PITPNC1: variants seen among roughly 807,000 people sequenced by gnomAD.
PITPNC1 encodes cytoplasmic phosphatidylinositol transfer protein 1.
In PITPNC1, 18 loss-of-function variants were observed where a neutral mutation model predicts 44.7. That is an observed-to-expected ratio of 0.40 (90% CI 0.28 to 0.60). The LOEUF is 0.60. Among genes scored for constraint, PITPNC1 ranks in the 20% least tolerant of loss-of-function variants. The probability of loss-of-function intolerance (pLI) is 0.39; values close to 1 mark genes in which losing one functional copy is unlikely to be tolerated. For synonymous variants in PITPNC1, 141 were observed against 149.6 expected (o/e 0.94, Z 0.42); for missense variants, 290 against 418.4 (o/e 0.69, Z 2.68).
intron 1 of PITPNC1, among the ~76,000 whole-genome samples, chr17:67,426,724 TTAAAA>T (rs72090798): frequency 0.44 from 66,875 of 151,488 alleles, 15,248 homozygotes; most frequent in Middle Eastern, 0.64. Flanking sequence ...ATCCCAGAAC[TTAAAA>T]TAAAAATAAA....
At chr17:67,403,218 C>CAAAAAAAAAAAAAAAAAAAAA (rs34768084) in intron 1 of PITPNC1, among the ~76,000 whole-genome samples, 6 of 68,958 alleles carry the variant, frequency 8.7e-5, no homozygotes, top group African/African-American at 2.6e-4. Context: ...CTCATCTCTA[C>CAAAAAAAAAAAAAAAAAAAAA]AAAAAAAAAA....
At chr17:67,378,225 C>A in intron 1 of PITPNC1, 23 bp downstream of exon 1, 1 of 1,477,562 alleles carries the variant, frequency 6.8e-7, no homozygotes, top group Non-Finnish European at 9.0e-7. Context: ...CCCGGCCCGG[C>A]CTCGCCCGCT....
intron 5 of PITPNC1, among the ~76,000 whole-genome samples, chr17:67,583,738 A>G (rs1209122359): frequency 5.8e-5 from 8 of 138,506 alleles, no homozygotes; most frequent in Non-Finnish European, 1.1e-4. Flanking sequence ...TCTGTCACCC[A>G]GGCTGGAGTG....
chr17:67,476,188 CTTT>C lies in PITPNC1; in HGVS notation c.49-56601_49-56599del, dbSNP rs10633927. Among the ~76,000 whole-genome samples, 70 of 137,674 alleles carry C rather than the reference CTTT, an allele frequency of 5.1e-4. No individual in the cohort carries two copies. In the Middle Eastern group the frequency reaches 0.012, roughly 23 times the overall value. 90.3% of individuals were successfully genotyped at this position (137,674 alleles called of 152,430 possible). On this transcript the variant is annotated intron_variant, in intron 1 of 8. Coordinates refer to ENST00000581322, the MANE Select transcript of PITPNC1 (RefSeq NM_012417.4). ...CCTAGAGACTAAATTTCTTTCTTTT[CTTT>C]TTTTTTTTTTTTGAGATGGAGTCTC...
At chr17:67,632,491 A>G in intron 6 of PITPNC1, 1 of 541,268 alleles carries the variant, frequency 1.8e-6, no homozygotes. Context: ...ATTTTTGGCA[A>G]CGTCAGTATC....
At chr17:67,486,052 C>T (rs80313983) in intron 1 of PITPNC1, among the ~76,000 whole-genome samples, 1 of 152,150 alleles carries the variant, frequency 6.6e-6, no homozygotes, top group Admixed American at 6.5e-5. Flanking sequence ...TCAAAAGTCA[C>T]AATTGATTAA....
At chr17:67,513,487 GTGTA>G (rs915263829) in intron 1 of PITPNC1, among the ~76,000 whole-genome samples, 32 of 136,912 alleles carry the variant, frequency 2.3e-4, no homozygotes, top group African/African-American at 9.1e-4. Context: ...ATGTGTGTGT[GTGTA>G]TATATATATA....
At chr17:67,659,752 T>G (rs554861740) in intron 6 of PITPNC1, among the ~76,000 whole-genome samples, 1 of 152,302 alleles carries the variant, frequency 6.6e-6, no homozygotes, top group East Asian at 1.9e-4. Flanking sequence ...ACATTATTTC[T>G]TATTTTATTT....
intron 4 of PITPNC1, among the ~76,000 whole-genome samples, chr17:67,569,491 TTCCA>T (rs1001572540): frequency 5.7e-4 from 87 of 152,310 alleles, no homozygotes; most frequent in Admixed American, 2.4e-3. Context: ...CATTTAAATG[TTCCA>T]CCATCACTTT....
At chr17:67,605,863 G>A (rs1248415730) in intron 5 of PITPNC1, among the ~76,000 whole-genome samples, 1 of 152,184 alleles carries the variant, frequency 6.6e-6, no homozygotes, top group Non-Finnish European at 1.5e-5. Flanking sequence ...GCATCGTACT[G>A]AGTATTATCT....
chr17:67,434,961 T>C (rs549977332), intron 1 of PITPNC1, among the ~76,000 whole-genome samples: 1 of 151,512 alleles, frequency 6.6e-6, no homozygotes, highest in Non-Finnish European at 1.5e-5. Context: ...ATACAAAAAT[T>C]AGCTGGGCAT....
At chr17:67,382,551 A>G (rs1046145486) in intron 1 of PITPNC1, among the ~76,000 whole-genome samples, 6 of 152,168 alleles carry the variant, frequency 3.9e-5, no homozygotes, top group Non-Finnish European at 8.8e-5. Flanking sequence ...GAGAGTTGCT[A>G]TAGAGAGAAA....
intron 5 of PITPNC1, among the ~76,000 whole-genome samples, chr17:67,615,822 C>A (rs541744033): frequency 1.2e-4 from 18 of 152,232 alleles, no homozygotes; most frequent in African/African-American, 4.3e-4. Flanking sequence ...CATTATTGAT[C>A]ATACTTCGGG....
intron 1 of PITPNC1, among the ~76,000 whole-genome samples, chr17:67,512,744 T>A (rs12951729): frequency 0.11 from 17,184 of 152,130 alleles, 1,264 homozygotes; most frequent in African/African-American, 0.21. Flanking sequence ...TATTTTCCAA[T>A]ACATTTAATT....
chr17:67,388,699 C>T (rs916716797), intron 1 of PITPNC1, among the ~76,000 whole-genome samples: 7 of 152,158 alleles, frequency 4.6e-5, no homozygotes, highest in Non-Finnish European at 1.0e-4. Context: ...CGACTCACTG[C>T]AACCTCCACC....
At chr17:67,691,786 A>AC (rs1243026373) in intron 8 of PITPNC1, among the ~76,000 whole-genome samples, 1 of 152,168 alleles carries the variant, frequency 6.6e-6, no homozygotes, top group East Asian at 1.9e-4. Context: ...CAGGCGGATC[A>AC]CTTGAGGTGA....
At chr17:67,402,391 C>T (rs1011835237) in intron 1 of PITPNC1, among the ~76,000 whole-genome samples, 7 of 152,180 alleles carry the variant, frequency 4.6e-5, no homozygotes, top group African/African-American at 1.7e-4. Context: ...AGTGCTGAAA[C>T]CACTGGAACT....
intron 1 of PITPNC1, among the ~76,000 whole-genome samples, chr17:67,422,847 TCAAA>T (rs1159445364): frequency 6.6e-6 from 1 of 152,186 alleles, no homozygotes; most frequent in Non-Finnish European, 1.5e-5. Context: ...TCTAGCTTAC[TCAAA>T]CAATGTCTAG....
At chr17:67,499,163 G>A (rs1351316379) in intron 1 of PITPNC1, among the ~76,000 whole-genome samples, 2 of 149,928 alleles carry the variant, frequency 1.3e-5, no homozygotes, top group Non-Finnish European at 3.0e-5. Context: ...CATGAGCCAC[G>A]TGCCCAGCCC....
Sources: gnomAD v4.1 joint callset for allele counts (sites outside exome capture counted in the v4.1 genomes callset) on GRCh38, gnomAD v4.1.1 for gene constraint, MANE v1.5 for transcripts, NCBI Gene and HGNC (gene_info 2026-07-23, HGNC 2026-07-21) for gene names.